The following ARHGEF38 variants were observed in gnomAD, a reference collection of about 807,000 sequenced individuals.
ARHGEF38 encodes the protein Rho guanine nucleotide exchange factor (GEF) 38.
In ARHGEF38, 79 loss-of-function variants were observed where a neutral mutation model predicts 79.9. That is an observed-to-expected ratio of 0.99 (90% CI 0.82 to 1.19). The LOEUF (loss-of-function observed/expected upper bound fraction) is 1.19. Ranked by LOEUF, ARHGEF38 falls within the 50% of genes most tolerant of loss-of-function variation. The pLI, the probability that ARHGEF38 is intolerant of heterozygous loss-of-function variation, is 0.00. For synonymous variants in ARHGEF38, 366 were observed against 328.3 expected (o/e 1.11, Z -1.24); for missense variants, 962 against 907.2 (o/e 1.06, Z -0.78).
At chr4:105,599,888 T>C (rs1453868481) in intron 2 of ARHGEF38, among the ~76,000 whole-genome samples, 1 of 152,152 alleles carries the variant, frequency 6.6e-6, no homozygotes, top group Non-Finnish European at 1.5e-5. Flanking sequence ...CATTTTTGTG[T>C]CATCAAAAAA....
chr4:105,558,685 TCA>T (rs1485243924), intron 1 of ARHGEF38, among the ~76,000 whole-genome samples: 1 of 152,176 alleles, frequency 6.6e-6, no homozygotes, highest in Non-Finnish European at 1.5e-5. Context: ...AATGTGTGAG[TCA>T]CAGAAATTGA....
intron 3 of ARHGEF38, among the ~76,000 whole-genome samples, chr4:105,630,394 G>T (rs974339767): frequency 6.6e-6 from 1 of 151,786 alleles, no homozygotes; most frequent in Admixed American, 6.6e-5. Flanking sequence ...GCTACAGGTC[G>T]CCTGACACCA....
intron 10 of ARHGEF38, among the ~76,000 whole-genome samples, chr4:105,664,823 A>G (rs1730691241): frequency 6.6e-6 from 1 of 152,102 alleles, no homozygotes; most frequent in African/African-American, 2.4e-5. Flanking sequence ...AGGTGTGTGG[A>G]GAGGGTGACT....
At chr4:105,573,715 A>G (rs1018482647) in intron 1 of ARHGEF38, among the ~76,000 whole-genome samples, 3 of 150,752 alleles carry the variant, frequency 2.0e-5, no homozygotes, top group Non-Finnish European at 4.4e-5. Context: ...GTCCCTTGAG[A>G]TGCCATGTAA....
In ARHGEF38 at chr4:105,679,515, CTTGAT is replaced by C; in HGVS notation, c.*1579_*1583del. 7.2e-7 allele frequency: 1 copy of C among 1,389,054 alleles called. No homozygotes were observed. Among genetic ancestry groups the C allele is most frequent in the Non-Finnish European group, 1.0e-6 (1 of 977,772 alleles). The allele number at this position is 1,389,054 out of a possible 1,614,324, so 86.0% of individuals were successfully genotyped here. ...GTTGATTAAAGATCATGGTTCAAAG[CTTGAT>C]ACACCAGAAATGTGGGCTAAAGCTG... On this transcript the variant is annotated 3_prime_UTR_variant, in exon 14 of 14. Transcript: ENST00000420470.
At chr4:105,636,549 CA>C (rs1319967375) in intron 5 of ARHGEF38, 129 bp downstream of exon 5, 26 of 180,680 alleles carry the variant, frequency 1.4e-4, no homozygotes, top group South Asian at 3.6e-4. Context: ...TCCAGGATTG[CA>C]AAGGCATTTA....
At chr4:105,561,529 A>AGAATGGAATGGAATGGAATG (rs1725623530) in intron 1 of ARHGEF38, 1 of 145,684 alleles carries the variant, frequency 6.9e-6, no homozygotes. Flanking sequence ...AGAATAGAAT[A>AGAATGGAATGGAATGGAATG]GAATAGAATA....
intron 10 of ARHGEF38, among the ~76,000 whole-genome samples, chr4:105,663,717 C>T (rs1412869969): frequency 1.3e-5 from 2 of 152,202 alleles, no homozygotes; most frequent in Non-Finnish European, 2.9e-5. Context: ...CGCCTGTAAT[C>T]CCAGCACTTT....
At chr4:105,601,799 A>G (rs1183917234) in intron 2 of ARHGEF38, among the ~76,000 whole-genome samples, 1 of 152,192 alleles carries the variant, frequency 6.6e-6, no homozygotes, top group African/African-American at 2.4e-5. Context: ...TCAAGGAGAT[A>G]TAAGTAAGGC....
intron 10 of ARHGEF38, 101 bp downstream of exon 10, chr4:105,659,466 C>G: frequency 8.8e-7 from 1 of 1,140,284 alleles, no homozygotes. Context: ...ACATGTATGC[C>G]GTGTGGTGTG....
intron 6 of ARHGEF38, among the ~76,000 whole-genome samples, chr4:105,645,613 AT>A (rs1350657033): frequency 6.6e-6 from 1 of 152,202 alleles, no homozygotes; most frequent in Non-Finnish European, 1.5e-5. Context: ...AAGCAGCCAT[AT>A]GCTCAACTTC....
At position 105,679,345 on chromosome 4, in the gene ARHGEF38, C is replaced by T. The variant is rs1332110272; in HGVS notation, c.*1408C>T. 2.0e-6 allele frequency: 2 copies of T among 1,005,060 alleles called. No individual in the cohort carries two copies. Among genetic ancestry groups the T allele is most frequent in the Admixed American group, 1.8e-5 (1 of 55,826 alleles). 62.3% of individuals were successfully genotyped at this position (1,005,060 alleles called of 1,614,324 possible). On this transcript the variant is annotated 3_prime_UTR_variant, in exon 14 of 14. Transcript: ENST00000420470. ...TCAATTGGAGGAATATCAAAGCAAA[C>T]ACCCATATTTCCTTTCAGGAGGCAC... is the stretch of plus-strand genomic sequence containing the variant.
chr4:105,644,011 T>C (rs1313682617), intron 5 of ARHGEF38, among the ~76,000 whole-genome samples: 1 of 151,136 alleles, frequency 6.6e-6, no homozygotes, highest in East Asian at 2.0e-4. Flanking sequence ...AGACTACAGG[T>C]GCCTGCCACC....
intron 1 of ARHGEF38, 114 bp from the exon 2 acceptor site, chr4:105,589,134 A>G (rs2110455999): frequency 5.2e-6 from 4 of 764,484 alleles, no homozygotes; most frequent in South Asian, 4.2e-5. Context: ...AAACATCATG[A>G]GGATACCTTC....
intron 3 of ARHGEF38, among the ~76,000 whole-genome samples, chr4:105,614,333 T>G (rs1007623882): frequency 2.4e-4 from 36 of 152,082 alleles, no homozygotes; most frequent in African/African-American, 8.2e-4. Flanking sequence ...ACGGTAAAAT[T>G]TCCTTTCATA....
chr4:105,655,907 G>T (rs901152160), intron 9 of ARHGEF38, among the ~76,000 whole-genome samples, 185 bp downstream of exon 9: 2 of 152,132 alleles, frequency 1.3e-5, no homozygotes, highest in Non-Finnish European at 2.9e-5. Context: ...GATTAGTGAG[G>T]ATTTTACTAT....
intron 1 of ARHGEF38, among the ~76,000 whole-genome samples, chr4:105,557,567 T>G: frequency 1.4e-5 from 2 of 143,328 alleles, no homozygotes; most frequent in African/African-American, 5.2e-5. Flanking sequence ...GTATTGAGGG[T>G]GAAGCTTTGG....
intron 4 of ARHGEF38, among the ~76,000 whole-genome samples, chr4:105,635,961 C>A (rs1197971570): frequency 6.6e-6 from 1 of 151,964 alleles, no homozygotes; most frequent in Non-Finnish European, 1.5e-5. Context: ...TCCACATATA[C>A]AAAGTACTGA....
chr4:105,588,510 A>T (rs1006961196), intron 1 of ARHGEF38, among the ~76,000 whole-genome samples: 4 of 152,210 alleles, frequency 2.6e-5, no homozygotes, highest in African/African-American at 9.7e-5. Context: ...CCTTGAAGAT[A>T]CTTAGCTTTC....
Sources: gnomAD v4.1 joint callset for allele counts (sites outside exome capture counted in the v4.1 genomes callset) on GRCh38, gnomAD v4.1.1 for gene constraint, MANE v1.5 for transcripts, NCBI Gene and HGNC (gene_info 2026-07-23, HGNC 2026-07-21) for gene names.